SVOPL: variants seen among roughly 807,000 people sequenced by gnomAD.
The protein encoded by SVOPL is putative transporter SVOPL.
A neutral mutation model predicts 61.0 loss-of-function variants in SVOPL; 60 were observed. The observed-to-expected ratio is 0.98, with a 90% CI of 0.80 to 1.22. SVOPL has a LOEUF of 1.22. Ranked by LOEUF, SVOPL falls within the 50% of genes most tolerant of loss-of-function variation. The probability of loss-of-function intolerance (pLI) is 0.00; values close to 1 mark genes in which losing one functional copy is unlikely to be tolerated. For synonymous variants in SVOPL, 279 were observed against 250.0 expected (o/e 1.12, Z -1.09); for missense variants, 662 against 643.9 (o/e 1.03, Z -0.30).
chr7:138,660,399 TACAGAAGAAAA>T, intron 5 of SVOPL: 2 of 985,668 alleles, frequency 2.0e-6, no homozygotes, highest in Non-Finnish European at 2.4e-6. Context: ...TAGTAAACAA[TACAGAAGAAAA>T]AAGAAAATTA....
At chr7:138,621,004 T>C in intron 14 of SVOPL, 42 bp downstream of exon 14, 1 of 1,583,532 alleles carries the variant, frequency 6.3e-7, no homozygotes, top group Non-Finnish European at 8.6e-7. Context: ...TCTTACCCCC[T>C]CTCTCAGACT....
chr7:138,640,348 C>CA (rs555309589), intron 9 of SVOPL, among the ~76,000 whole-genome samples: 232 of 152,202 alleles, frequency 1.5e-3, no homozygotes, highest in African/African-American at 5.4e-3. Flanking sequence ...TCTACTGCCT[C>CA]AGCCTCCCGA....
At chr7:138,602,441 C>CGCTA (rs1798563952) in intron 14 of SVOPL, among the ~76,000 whole-genome samples, 1 of 140,688 alleles carries the variant, frequency 7.1e-6, no homozygotes, top group South Asian at 2.3e-4. Context: ...AAGGCAGTTG[C>CGCTA]TATATATATA....
rs1584859883 is a variant in SVOPL at position 138,671,046 on chromosome 7, G to A, written c.273+973C>T. Among the ~76,000 whole-genome samples, 3 of 152,050 alleles carry A rather than the reference G, an allele frequency of 2.0e-5. No homozygotes were observed. In the South Asian group the frequency reaches 6.2e-4, roughly 32 times the overall value. The stretch of plus-strand genomic sequence containing the variant: ...TATGTTGATTTTGGTTATAAGAAAT[G>A]GCAAACTGAAAAACTGTAATATGTA... On this transcript the variant is annotated intron_variant, in intron 4 of 15. Coordinates refer to ENST00000674285, the MANE Select transcript of SVOPL (RefSeq NM_001139456.2).
At chr7:138,598,765 C>T (rs182027567) in intron 14 of SVOPL, among the ~76,000 whole-genome samples, 3 of 152,056 alleles carry the variant, frequency 2.0e-5, no homozygotes, top group East Asian at 3.9e-4. Context: ...ATTTATAGGA[C>T]ACAACTAATA....
chr7:138,597,245 G>A (rs913314053), intron 14 of SVOPL: 2 of 1,286,070 alleles, frequency 1.6e-6, no homozygotes, highest in African/African-American at 1.5e-5. Flanking sequence ...CAACAGCAAA[G>A]CTCTCTAGAA....
chr7:138,678,964 C>T lies in SVOPL; in HGVS notation c.82G>A (p.Glu28Lys). 1 of 1,551,514 alleles carries T rather than the reference C, an allele frequency of 6.4e-7. No individual in the cohort carries two copies. ...SLGTAEPQVK[E>K]PKTFTVEDAV... ...CTGGAGACTTCTATGATAATCTCAC[C>T]TTTAACCTGTGGCTCTGCGGTCCCC... Residue 28 changes from glutamate to lysine, a missense_variant and splice_region_variant, in exon 2 of 16, where the codon GAG (glutamate) becomes AAG (lysine). Glu to Lys is a moderately conservative substitution (Grantham distance 56, BLOSUM62 1). Transcript: ENST00000674285.
intron 5 of SVOPL, chr7:138,661,472 C>A: frequency 1.0e-6 from 1 of 978,374 alleles, no homozygotes; most frequent in Non-Finnish European, 1.2e-6. Flanking sequence ...CAGGAGCATG[C>A]GACTCCGGTC....
At chr7:138,675,292 C>T (rs917447004) in intron 3 of SVOPL, among the ~76,000 whole-genome samples, 8 of 152,080 alleles carry the variant, frequency 5.3e-5, no homozygotes, top group Non-Finnish European at 1.0e-4. Context: ...GAGAATGCAA[C>T]ACTTTTGAAA....
At chr7:138,697,629 AAGAAG>A (rs1350618759) in intron 1 of SVOPL, among the ~76,000 whole-genome samples, 6 of 81,454 alleles carry the variant, frequency 7.4e-5, no homozygotes, top group African/African-American at 1.6e-4. Flanking sequence ...AAAAAAAAAA[AAGAAG>A]AAGAAGAAGT....
chr7:138,683,378 G>T (rs569824398), intron 1 of SVOPL, among the ~76,000 whole-genome samples: 4 of 151,894 alleles, frequency 2.6e-5, no homozygotes, highest in African/African-American at 7.2e-5. Context: ...AGATTCTGGG[G>T]TTTTTTTGAG....
intron 14 of SVOPL, among the ~76,000 whole-genome samples, chr7:138,600,185 AAATTT>A (rs1245475586): frequency 2.0e-5 from 3 of 152,258 alleles, no homozygotes. Context: ...ATTACATTAA[AAATTT>A]AATAAAATAT....
chr7:138,679,164 T>A, intron 1 of SVOPL, 85 bp from the exon 2 acceptor site: 1 of 921,812 alleles, frequency 1.1e-6, no homozygotes, highest in Non-Finnish European at 1.6e-6. Flanking sequence ...ACACACAAAA[T>A]TTCCTGAAGC....
chr7:138,689,598 C>A, intron 1 of SVOPL: 1 of 425,690 alleles, frequency 2.3e-6, no homozygotes, highest in East Asian at 5.3e-5. Flanking sequence ...GGTGGCTCTG[C>A]CTGTAATCCC....
intron 1 of SVOPL, among the ~76,000 whole-genome samples, chr7:138,692,564 A>G (rs1786353246): frequency 6.6e-6 from 1 of 152,228 alleles, no homozygotes; most frequent in Admixed American, 6.5e-5. Context: ...TTCTGATTAA[A>G]AAATAATAAT....
chr7:138,641,814 T>TTTTATATATATATA (rs765128177), intron 9 of SVOPL, among the ~76,000 whole-genome samples: 8 of 120,972 alleles, frequency 6.6e-5, no homozygotes, highest in South Asian at 2.9e-4. Context: ...TATATATATG[T>TTTTATATATATATA]TATATATATA....
chr7:138,637,427 C>CAT lies in SVOPL; in HGVS notation c.789+7288_789+7289dup, dbSNP rs377328822. Among the ~76,000 whole-genome samples, 641 of 71,188 alleles carry CAT rather than the reference C, an allele frequency of 9.0e-3. 4 individuals are homozygous for CAT. The highest frequency in any genetic ancestry group is 0.012 in the Non-Finnish European group (438 of 35,408). 46.7% of individuals were successfully genotyped at this position (71,188 alleles called of 152,430 possible). A position where few individuals can be genotyped will look rare whatever the true frequency, so the allele number is the denominator to read the frequency against. ...TAGGTGACAGAGCAAGACTCCATCT[C>CAT]ATATATATATATATAGATAGATAGA... On this transcript the variant is annotated intron_variant, in intron 9 of 15. Transcript: ENST00000674285.
At chr7:138,675,690 G>T (rs776577171) in intron 3 of SVOPL, among the ~76,000 whole-genome samples, 11 of 151,988 alleles carry the variant, frequency 7.2e-5, no homozygotes, top group Non-Finnish European at 1.2e-4. Context: ...TAGCTGTTTG[G>T]GGAGGGTCAG....
At chr7:138,633,916 T>C (rs1800340521) in intron 9 of SVOPL, among the ~76,000 whole-genome samples, 1 of 152,162 alleles carries the variant, frequency 6.6e-6, no homozygotes, top group African/African-American at 2.4e-5. Flanking sequence ...CTTGCCTGTG[T>C]GTAGGACACT....
Sources: gnomAD v4.1 joint callset for allele counts (sites outside exome capture counted in the v4.1 genomes callset) on GRCh38, gnomAD v4.1.1 for gene constraint, MANE v1.5 for transcripts, NCBI Gene and HGNC (gene_info 2026-07-23, HGNC 2026-07-21) for gene names.